The following HSPA9 variants were observed in gnomAD, a reference collection of about 807,000 sequenced individuals.
HSPA9 encodes stress-70 protein, mitochondrial.
A neutral mutation model predicts 81.5 loss-of-function variants in HSPA9; 28 were observed. The observed-to-expected ratio is 0.34, with a 90% confidence interval of 0.25 to 0.47. The LOEUF is 0.47. Ranked by LOEUF, HSPA9 falls within the 20% of genes least tolerant of loss-of-function variation. The pLI, the probability that HSPA9 is intolerant of heterozygous loss-of-function variation, is 1.00. For synonymous variants in HSPA9, 293 were observed against 290.4 expected, an observed-to-expected ratio of 1.01 and a Z score of -0.09; for missense variants, 678 against 838.0, an observed-to-expected ratio of 0.81 and a Z score of 2.36.
intron 3 of HSPA9, among the ~76,000 whole-genome samples, chr5:138,572,360 T>A (rs1418763954): frequency 6.6e-6 from 1 of 152,210 alleles, no homozygotes; most frequent in East Asian, 1.9e-4. Context: ...GAGGTAGGAC[T>A]ACTAATTTAC....
intron 11 of HSPA9, 78 bp from the exon 12 acceptor site, chr5:138,558,735 G>A: frequency 2.2e-6 from 2 of 915,966 alleles, no homozygotes; most frequent in Admixed American, 1.7e-5. Context: ...AAAGCCAAAG[G>A]TTTACATTCC....
intron 16 of HSPA9, 35 bp from the exon 17 acceptor site, chr5:138,556,149 A>C (rs764108849): frequency 6.5e-7 from 1 of 1,547,918 alleles, no homozygotes; most frequent in Non-Finnish European, 8.9e-7. Flanking sequence ...ACTCAGATTT[A>C]ACGTTAGAGC....
chr5:138,559,017 T>G (rs951454996), intron 11 of HSPA9: 1 of 262,170 alleles, frequency 3.8e-6, no homozygotes, highest in African/African-American at 2.2e-5. Context: ...CAGAGTGATG[T>G]GTTGACAAAT....
rs778107935 is a variant in HSPA9, at chr5:138,556,060, C to T, written c.2017G>A (p.Asp673Asn). ...TATTACTGTTTTTCCTCCTTTTGAT[C>T]TTCCTTTTGTTCCCCAGTGCCAGAA... ...GSSGTGEQKE[D>N]QKEEKQ Residue 673 changes from aspartate to asparagine, a missense_variant, in exon 17 of 17, where the codon GAT becomes AAT. Around this residue, in one of 4 missense-constraint regions of HSPA9, gnomAD observed 100 missense variants for 99.5 expected, o/e 1.00. Coordinates refer to ENST00000297185, the MANE Select transcript of HSPA9 (RefSeq NM_004134.7). The T allele has an allele frequency of 1.6e-5, 26 of 1,613,200 alleles. No homozygotes were observed. The highest frequency in any genetic ancestry group is 2.0e-5 in the Non-Finnish European group (24 of 1,179,540).
intron 9 of HSPA9, among the ~76,000 whole-genome samples, chr5:138,564,896 G>T (rs1047519048): frequency 1.3e-5 from 2 of 152,122 alleles, no homozygotes; most frequent in African/African-American, 2.4e-5. Context: ...ATACAAGGGG[G>T]ACTTGAACCC....
chr5:138,556,854 C>T lies in HSPA9; in HGVS notation c.1741G>A (p.Ala581Thr). The change falls in exon 15 of 17, where the codon GCA becomes ACA. Residue 581 changes from alanine to threonine, a missense_variant. Transcript: ENST00000297185. Reference sequence around the variant, plus strand: ...ATGATTCCTTCAGCCATATTAACTGCTTCAACTCGTTCCTTAGAGAAATTA... The same window carrying T: ...ATGATTCCTTCAGCCATATTAACTGTTTCAACTCGTTCCTTAGAGAAATTA... ...EDRRKKERVE[A>T]VNMAEGIIHD... 2.5e-6 allele frequency: 4 copies of T among 1,613,168 alleles called. No homozygotes were observed. Among genetic ancestry groups the T allele is most frequent in the Non-Finnish European group, 3.4e-6 (4 of 1,179,170 alleles).
intron 14 of HSPA9, 198 bp from the exon 15 acceptor site, chr5:138,557,064 G>T: frequency 1.6e-6 from 1 of 631,308 alleles, no homozygotes; most frequent in Non-Finnish European, 2.8e-6. Flanking sequence ...TCAGAATTGT[G>T]ACAGGGAAAA....
In HSPA9 at chr5:138,567,537, A is replaced by G. The variant is rs768283289; in HGVS notation, c.634T>C (p.Ser212Pro). 11 of 1,614,038 alleles carry G rather than the reference A, an allele frequency of 6.8e-6. No homozygotes were observed. Among genetic ancestry groups the G allele is most frequent in the East Asian group, 2.2e-5 (1 of 44,898 alleles). ...RQATKDAGQI[S>P]GLNVLRVINE... ...ATCACCCGAAGCACATTCAGTCCAG[A>G]TATCTGGCCAGCATCTTTAGTGGCC... The change falls in exon 7 of 17, where the codon TCT (serine) becomes CCT (proline). Residue 212 changes from serine to proline, a missense_variant. Physicochemically the swap from Ser to Pro is moderately conservative, Grantham distance 74. Around this residue, in one of 4 missense-constraint regions of HSPA9, gnomAD observed 484 missense variants for 647.5 expected, o/e 0.75. Transcript: ENST00000297185.
Position 138,569,031 on chromosome 5 carries a change from T to C in HSPA9, c.429A>G (p.Lys143=), listed in dbSNP as rs1026906852. Residue 143 remains lysine, a synonymous_variant, in exon 5 of 17, where the codon AAA becomes AAG. Transcript: ENST00000297185. ...VQKDIKNVPF[K]IVRASNGDAW... ...CATCACCATTGGAGGCACGGACAATTTTAAAGGGAACATTTTTACTGTAAG... is the reference window on the plus strand; with the variant it reads ...CATCACCATTGGAGGCACGGACAATCTTAAAGGGAACATTTTTACTGTAAG... The C allele has an allele frequency of 6.2e-7, 1 of 1,613,764 alleles. No homozygotes were observed. The highest frequency in any genetic ancestry group is 8.5e-7 in the Non-Finnish European group (1 of 1,179,874).
At chr5:138,562,233 G>A (rs534537561) in intron 9 of HSPA9, among the ~76,000 whole-genome samples, 10 of 145,998 alleles carry the variant, frequency 6.8e-5, no homozygotes, top group East Asian at 2.3e-4. Flanking sequence ...CACCCCACCC[G>A]GCCAAGAATA....
intron 3 of HSPA9, among the ~76,000 whole-genome samples, chr5:138,572,123 A>ATTTTT (rs1750917853): frequency 6.6e-6 from 1 of 151,884 alleles, no homozygotes; most frequent in Non-Finnish European, 1.5e-5. Context: ...TGCCCGGCTA[A>ATTTTT]TTTTTTGTAG....
chr5:138,556,913 G>A, intron 14 of HSPA9, 47 bp from the exon 15 acceptor site: 1 of 1,339,158 alleles, frequency 7.5e-7, no homozygotes, highest in Non-Finnish European at 1.1e-6. Context: ...ATCAACCAAA[G>A]TTTGCTGAAT....
chr5:138,574,109 A>T lies in HSPA9; in HGVS notation c.99T>A (p.Leu33=). ...AARHQDSWNG[L]SHEAFRLVSR... ...AAACAAGTCTAAAAGCCTCATGACT[A>T]AGGCCATTCCAGCTATCCTAAAAAA... The change falls in exon 2 of 17, where the codon CTT becomes CTA. Residue 33 remains leucine (L), a synonymous_variant. Transcript: ENST00000297185. The T allele has an allele frequency of 6.2e-7, 1 of 1,613,822 alleles. No individual in the cohort carries two copies. Among genetic ancestry groups the T allele is most frequent in the Non-Finnish European group, 8.5e-7 (1 of 1,179,704 alleles).
intron 4 of HSPA9, among the ~76,000 whole-genome samples, chr5:138,569,744 A>ACAGT (rs1750837997): frequency 6.6e-6 from 1 of 152,082 alleles, no homozygotes; most frequent in African/African-American, 2.4e-5. Context: ...AGAGACACAC[A>ACAGT]CAGTCTTGCC....
chr5:138,566,511 A>C, intron 9 of HSPA9, 115 bp downstream of exon 9: 1 of 812,382 alleles, frequency 1.2e-6, no homozygotes, highest in Admixed American at 1.8e-5. Context: ...AACTGAAAAA[A>C]CAAACAAACA....
chr5:138,574,265 C>A, intron 1 of HSPA9, 139 bp from the exon 2 acceptor site: 4 of 685,412 alleles, frequency 5.8e-6, no homozygotes, highest in Admixed American at 5.1e-5. Flanking sequence ...ATAAGTAAGA[C>A]GAAAAAAGGT....
intron 3 of HSPA9, among the ~76,000 whole-genome samples, chr5:138,572,882 C>T (rs1580751585): frequency 6.6e-6 from 1 of 152,054 alleles, no homozygotes; most frequent in East Asian, 1.9e-4. Context: ...GTATGAAAAA[C>T]CTGATCTATA....
intron 4 of HSPA9, among the ~76,000 whole-genome samples, chr5:138,570,562 C>A (rs1206291255): frequency 1.3e-5 from 2 of 152,000 alleles, no homozygotes; most frequent in African/African-American, 2.4e-5. Context: ...CTCGGCTCAC[C>A]GCAACCACCG....
rs1561861393 is a variant in HSPA9, at chr5:138,570,686, T to C, written c.410+274A>G. The C allele has an allele frequency of 1.8e-5, 7 of 394,052 alleles. No homozygotes were observed. The East Asian group carries it at 3.6e-4, about 20-fold the overall frequency. 24.4% of individuals were successfully genotyped at this position (394,052 alleles called of 1,614,324 possible). ...TTTTAGTAGAGACAGGGTTTCACCA[T>C]GTTGGCCAGGCTGGTCTTGAACTCC... On this transcript the variant is annotated intron_variant, in intron 4 of 16. Coordinates refer to ENST00000297185, the MANE Select transcript of HSPA9 (RefSeq NM_004134.7).
Sources: allele counts gnomAD v4.1 joint callset (sites outside exome capture counted in the v4.1 genomes callset), GRCh38; gene constraint gnomAD v4.1.1; regional missense constraint gnomAD v4.1.1; transcripts MANE v1.5; gene names NCBI Gene and HGNC (gene_info 2026-07-23, HGNC 2026-07-21).